TMEM64: variants seen among roughly 807,000 people sequenced by gnomAD.
TMEM64 encodes the protein transmembrane protein 64.
TMEM64 carries 19 observed loss-of-function variants against 24.5 expected under a neutral mutation model. That is an observed-to-expected ratio of 0.78 (90% CI 0.54 to 1.14). The LOEUF is 1.14. TMEM64 is among the 50% of genes most tolerant of loss of function. The pLI is 0.00. For synonymous variants in TMEM64, 262 were observed against 224.7 expected, an observed-to-expected ratio of 1.17 and a Z score of -1.49; for missense variants, 487 against 493.0, an observed-to-expected ratio of 0.99 and a Z score of 0.12.
chr8:90,645,943 T>A lies in TMEM64; in HGVS notation c.-38A>T. On this transcript the variant is annotated 5_prime_UTR_variant, in exon 1 of 3. Coordinates refer to ENST00000458549, the MANE Select transcript of TMEM64 (RefSeq NM_001008495.4). This position sits in a 1 kb window ranked among gnomAD's most constrained non-coding sequence, Gnocchi z 4.2. ...CGCGGGCCCTCAGCCGGCCAGCCCC[T>A]CCGCCGCGGCGCCCGTTAGGCAGCT... The A allele has an allele frequency of 9.1e-7, 1 of 1,096,694 alleles. No homozygotes were observed. The highest frequency in any genetic ancestry group is 1.1e-6 in the Non-Finnish European group (1 of 894,170). The allele number at this position is 1,096,694 out of a possible 1,614,324, so 67.9% of individuals were successfully genotyped here.
chr8:90,640,622 C>T (rs1809590729), intron 1 of TMEM64, among the ~76,000 whole-genome samples: 1 of 151,892 alleles, frequency 6.6e-6, no homozygotes, highest in Non-Finnish European at 1.5e-5. Flanking sequence ...TATTTGTGGT[C>T]TTAGAGTCAT....
At chr8:90,640,729 C>G (rs779881022) in intron 1 of TMEM64, among the ~76,000 whole-genome samples, 2 of 152,146 alleles carry the variant, frequency 1.3e-5, no homozygotes, top group Non-Finnish European at 2.9e-5. Flanking sequence ...AATGCAAACT[C>G]AAAGAAAACT....
chr8:90,640,602 G>C (rs1381883605), intron 1 of TMEM64, among the ~76,000 whole-genome samples: 2 of 152,124 alleles, frequency 1.3e-5, no homozygotes, highest in Non-Finnish European at 2.9e-5. Flanking sequence ...CATAAGCTAA[G>C]ACTATACTGT....
At chr8:90,641,037 T>A (rs549283620) in intron 1 of TMEM64, among the ~76,000 whole-genome samples, 74 of 152,260 alleles carry the variant, frequency 4.9e-4, no homozygotes, top group Admixed American at 6.5e-4. Flanking sequence ...GCTTTAAAAA[T>A]TTTTTTTCTG....
Position 90,645,351 on chromosome 8 carries a change from A to C in TMEM64, c.555T>G (p.Ala185=). Residue 185 remains alanine (A), a synonymous_variant, in exon 1 of 3, where the codon GCT becomes GCG. Transcript: ENST00000458549. This position sits in a 1 kb window ranked among gnomAD's most constrained non-coding sequence, Gnocchi z 4.2. Reference sequence around the variant, plus strand: ...CCAGCACGAAGCCGTACAGGTAGCCAGCGGCCACGTTGAGCACGATGTAGC... The same window carrying C: ...CCAGCACGAAGCCGTACAGGTAGCCCGCGGCCACGTTGAGCACGATGTAGC... ...GWGYIVLNVA[A]GYLYGFVLGM... 2 of 1,554,160 alleles carry C rather than the reference A, an allele frequency of 1.3e-6. No homozygotes were observed. Among genetic ancestry groups the C allele is most frequent in the Non-Finnish European group, 1.7e-6 (2 of 1,148,348 alleles).
intron 1 of TMEM64, among the ~76,000 whole-genome samples, chr8:90,635,425 C>T (rs906044416): frequency 5.4e-5 from 8 of 147,364 alleles, no homozygotes; most frequent in Non-Finnish European, 1.0e-4. Context: ...ACGGACTCTT[C>T]GCTGTGTCAC....
chr8:90,629,335 A>C (rs1809406689), intron 2 of TMEM64, among the ~76,000 whole-genome samples: 1 of 152,208 alleles, frequency 6.6e-6, no homozygotes, highest in Admixed American at 6.5e-5. Flanking sequence ...TAGTTTAAAA[A>C]GCATCATGAA....
In TMEM64 at chr8:90,625,778, C is replaced by G; in HGVS notation, c.1036G>C (p.Glu346Gln). 3 of 1,613,984 alleles carry G rather than the reference C, an allele frequency of 1.9e-6. No individual in the cohort carries two copies. Among genetic ancestry groups the G allele is most frequent in the Non-Finnish European group, 2.5e-6 (3 of 1,179,952 alleles). The change falls in exon 3 of 3, where the codon GAA (glutamate) becomes CAA (glutamine). Residue 346 changes from glutamate (E) to glutamine (Q), a missense_variant. Physicochemically the swap from Glu to Gln is conservative, Grantham distance 29. Transcript: ENST00000458549. ...CCTTTAACCAGAGAAGATTTCAGTT[C>G]CATTTCACAAGCTACAATAGCTGCA... is the stretch of plus-strand genomic sequence containing the variant. ...LNAAIVACEMELKSSLVKGNQ... is the reference protein window; with the variant it reads ...LNAAIVACEMQLKSSLVKGNQ...
chr8:90,645,663 C>T lies in TMEM64; in HGVS notation c.243G>A (p.Leu81=), dbSNP rs769064812. 1.1e-5 allele frequency: 17 copies of T among 1,524,398 alleles called. No individual in the cohort carries two copies. In the South Asian group the frequency reaches 1.9e-4, roughly 17 times the overall value. 94.4% of individuals were successfully genotyped at this position (1,524,398 alleles called of 1,614,324 possible). ...ERHGPPEASE[L]PEPGGALAGG... The stretch of plus-strand genomic sequence containing the variant: ...CCGCCAAGGCCCCGCCCGGCTCCGG[C>T]AGCTCCGAAGCCTCGGGCGGACCGT... The change falls in exon 1 of 3, where the codon CTG becomes CTA. Residue 81 remains leucine, a synonymous_variant. Coordinates refer to ENST00000458549, the MANE Select transcript of TMEM64 (RefSeq NM_001008495.4). This position sits in a 1 kb window ranked among gnomAD's most constrained non-coding sequence, Gnocchi z 4.2.
At chr8:90,641,374 T>G (rs1212393446) in intron 1 of TMEM64, among the ~76,000 whole-genome samples, 2 of 152,200 alleles carry the variant, frequency 1.3e-5, no homozygotes, top group Non-Finnish European at 1.5e-5. Context: ...TGGTATTTTT[T>G]CCAACCATTT....
intron 1 of TMEM64, among the ~76,000 whole-genome samples, chr8:90,639,757 AATG>A (rs1485776327): frequency 2.0e-5 from 3 of 152,208 alleles, no homozygotes; most frequent in African/African-American, 2.4e-5. Context: ...CGAAAATGTT[AATG>A]ATGTTTTTCT....
At position 90,631,636 on chromosome 8, in the gene TMEM64, A is replaced by G. The variant is rs776041285; in HGVS notation, c.867T>C (p.Asn289=). 3.7e-6 allele frequency: 6 copies of G among 1,613,746 alleles called. No individual in the cohort carries two copies. The Admixed American group carries it at 1.0e-4, about 27-fold the overall frequency. Residue 289 remains asparagine, a synonymous_variant, in exon 2 of 3, where the codon AAT becomes AAC. Coordinates refer to ENST00000458549, the MANE Select transcript of TMEM64 (RefSeq NM_001008495.4). ...SVGLLPTQLL[N]SYLGTTLRTM... ...TCCGCAGGGTGGTACCCAAGTAAGAATTCAGAAGCTGGGTAGGAAGCAGTC... is the reference window on the plus strand; with the variant it reads ...TCCGCAGGGTGGTACCCAAGTAAGAGTTCAGAAGCTGGGTAGGAAGCAGTC...
chr8:90,644,493 C>G (rs1330666278), intron 1 of TMEM64, among the ~76,000 whole-genome samples: 1 of 152,206 alleles, frequency 6.6e-6, no homozygotes, highest in Non-Finnish European at 1.5e-5. Flanking sequence ...AAAAGATTAT[C>G]TGTTCTGTTT....
At position 90,645,258 on chromosome 8, in the gene TMEM64, G is replaced by C. The variant is rs1306400193; in HGVS notation, c.648C>G (p.Leu216=). The C allele has an allele frequency of 6.2e-7, 1 of 1,612,158 alleles. No individual in the cohort carries two copies. The highest frequency in any genetic ancestry group is 1.3e-5 in the African/African-American group (1 of 74,878). ...TFIAHVVCKR[L]LTAWVAARIQ... ...TCCTGGCGGCCACCCAGGCGGTGAG[G>C]AGCCGCTTGCAGACCACATGGGCGA... Residue 216 remains leucine, a synonymous_variant, in exon 1 of 3, where the codon CTC becomes CTG. Coordinates refer to ENST00000458549, the MANE Select transcript of TMEM64 (RefSeq NM_001008495.4). The surrounding 1 kb of genome is among the most constrained non-coding windows in gnomAD (Gnocchi z 4.2).
chr8:90,627,773 G>A (rs1809380471), intron 2 of TMEM64, among the ~76,000 whole-genome samples: 1 of 151,974 alleles, frequency 6.6e-6, no homozygotes, highest in Non-Finnish European at 1.5e-5. Context: ...GTGAAAGGAA[G>A]AAGTTAAGCA....
At chr8:90,630,950 C>G (rs1177506613) in intron 2 of TMEM64, among the ~76,000 whole-genome samples, 1 of 152,170 alleles carries the variant, frequency 6.6e-6, no homozygotes, top group Non-Finnish European at 1.5e-5. Flanking sequence ...TCATCAACTT[C>G]TTATGTAAAA....
chr8:90,630,324 G>A (rs989428863), intron 2 of TMEM64, among the ~76,000 whole-genome samples: 1 of 151,898 alleles, frequency 6.6e-6, no homozygotes, highest in Non-Finnish European at 1.5e-5. Context: ...TTTTATTGTT[G>A]TATTGTTATT....
At chr8:90,636,388 T>G (rs1243755980) in intron 1 of TMEM64, among the ~76,000 whole-genome samples, 1 of 152,166 alleles carries the variant, frequency 6.6e-6, no homozygotes, top group Non-Finnish European at 1.5e-5. Context: ...CCTGAGTAGC[T>G]GGGATTACAG....
intron 1 of TMEM64, among the ~76,000 whole-genome samples, chr8:90,643,054 C>T (rs1454687238): frequency 2.0e-5 from 3 of 152,086 alleles, no homozygotes; most frequent in Admixed American, 6.6e-5. Context: ...TAGTTATATA[C>T]TTAATATGTA....
Sources: gnomAD v4.1 joint callset for allele counts (sites outside exome capture counted in the v4.1 genomes callset) on GRCh38, gnomAD v4.1.1 for gene constraint, Gnocchi (gnomAD v3.1) non-coding constraint, MANE v1.5 for transcripts, NCBI Gene and HGNC (gene_info 2026-07-23, HGNC 2026-07-21) for gene names.